The following SLC6A3 variants were observed in gnomAD, a reference collection of about 807,000 sequenced individuals.
The protein encoded by SLC6A3 is sodium-dependent dopamine transporter.
SLC6A3 carries 19 observed loss-of-function variants against 70.4 expected under a neutral mutation model. The observed-to-expected ratio is 0.27, with a 90% CI of 0.19 to 0.40. The LOEUF is 0.40. Ranked by LOEUF, SLC6A3 falls within the 10% of genes least tolerant of loss-of-function variation. The probability of loss-of-function intolerance (pLI) is 1.00; values close to 1 mark genes in which losing one functional copy is unlikely to be tolerated. For missense variants in SLC6A3, 613 were observed against 838.5 expected, an observed-to-expected ratio of 0.73 and a Z score of 3.32; for synonymous variants, 368 against 356.6, an observed-to-expected ratio of 1.03 and a Z score of -0.36.
rs1756430107 is a variant in SLC6A3, at chr5:1,421,277, A to G, written c.793-574T>C. On this transcript the variant is annotated intron_variant, in intron 5 of 14. Coordinates refer to ENST00000270349, the MANE Select transcript of SLC6A3 (RefSeq NM_001044.5). The surrounding 1 kb of genome is among the most constrained non-coding windows in gnomAD (Gnocchi z 7.2). ...ACTGCAACCTCCGCCTCCTGGGTTC[A>G]AGCAATTCTCCTGCCTCAGCCTCCC... Among the ~76,000 whole-genome samples the G allele has an allele frequency of 6.6e-6, 1 of 151,004 alleles. No homozygotes were observed. The highest frequency in any genetic ancestry group is 1.5e-5 in the Non-Finnish European group (1 of 67,874).
rs1415742229 is a variant in SLC6A3 at position 1,400,864 on chromosome 5, G to C, written c.1839+51C>G. ...CTGGGGGCTAAGAACACTGAGCTTG[G>C]GATCATTCTGAATTCCCCCGAGAGA... On this transcript the variant is annotated intron_variant, in intron 14 of 14. Coordinates refer to ENST00000270349, the MANE Select transcript of SLC6A3 (RefSeq NM_001044.5). The C allele has an allele frequency of 2.9e-6, 4 of 1,382,780 alleles. No homozygotes were observed. The South Asian group carries it at 3.7e-5, about 13-fold the overall frequency. 85.7% of individuals were successfully genotyped at this position (1,382,780 alleles called of 1,614,324 possible).
In SLC6A3 at chr5:1,411,208, G is replaced by A; in HGVS notation, c.1269+35C>T. Reference sequence around the variant, plus strand: ...CCCCTCGGGTGGAAGGAACCCAACTGCCGAGGACAGGGCCGGGCGGTGCGG... The same window carrying A: ...CCCCTCGGGTGGAAGGAACCCAACTACCGAGGACAGGGCCGGGCGGTGCGG... On this transcript the variant is annotated intron_variant, in intron 9 of 14. Coordinates refer to ENST00000270349, the MANE Select transcript of SLC6A3 (RefSeq NM_001044.5). The surrounding 1 kb of genome is among the most constrained non-coding windows in gnomAD (Gnocchi z 6.5). The A allele has an allele frequency of 6.9e-7, 1 of 1,445,260 alleles. No individual in the cohort carries two copies. Among genetic ancestry groups the A allele is most frequent in the Non-Finnish European group, 9.5e-7 (1 of 1,051,604 alleles). 89.5% of individuals were successfully genotyped at this position (1,445,260 alleles called of 1,614,324 possible). A position where few individuals can be genotyped will look rare whatever the true frequency, so the allele number is the denominator to read the frequency against.
In SLC6A3 at chr5:1,404,083, T is replaced by TC. The variant is rs1347962356; in HGVS notation, c.1600-995dup. 2.0e-5 allele frequency among the ~76,000 whole-genome samples: 3 copies of TC among 152,228 alleles called. No homozygotes were observed. Among genetic ancestry groups the TC allele is most frequent in the Non-Finnish European group, 4.4e-5 (3 of 68,042 alleles). ...CAATTTTTTCCCAATTGTCCACTTTTCCTCAATTTCAGAAAAGTTAAAACA... is the reference window on the plus strand; with the variant it reads ...CAATTTTTTCCCAATTGTCCACTTTTCCCTCAATTTCAGAAAAGTTAAAACA... On this transcript the variant is annotated intron_variant, in intron 12 of 14. Coordinates refer to ENST00000270349, the MANE Select transcript of SLC6A3 (RefSeq NM_001044.5). The surrounding 1 kb of genome is among the most constrained non-coding windows in gnomAD (Gnocchi z 5.2).
At chr5:1,399,896 G>A (rs1393153079) in intron 14 of SLC6A3, among the ~76,000 whole-genome samples, 3 of 152,070 alleles carry the variant, frequency 2.0e-5, no homozygotes, top group South Asian at 2.1e-4. Flanking sequence ...TCCCAGGCAC[G>A]CAGAGCCCCC....
Position 1,411,204 on chromosome 5 carries a change from A to G in SLC6A3, c.1269+39T>C, listed in dbSNP as rs1188113816. ...GGGCCCCCTCGGGTGGAAGGAACCC[A>G]ACTGCCGAGGACAGGGCCGGGCGGT... On this transcript the variant is annotated intron_variant, in intron 9 of 14. Coordinates refer to ENST00000270349, the MANE Select transcript of SLC6A3 (RefSeq NM_001044.5). This position sits in a 1 kb window ranked among gnomAD's most constrained non-coding sequence, Gnocchi z 6.5. The G allele has an allele frequency of 1.4e-6, 2 of 1,427,764 alleles. No individual in the cohort carries two copies. 88.4% of individuals were successfully genotyped at this position (1,427,764 alleles called of 1,614,324 possible). A position where few individuals can be genotyped will look rare whatever the true frequency, so the allele number is the denominator to read the frequency against.
In SLC6A3 at chr5:1,403,238, C is replaced by G. The variant is rs547877889; in HGVS notation, c.1600-149G>C. The stretch of plus-strand genomic sequence containing the variant: ...CCGGCCAGGCCTGCAGACATGGCAG[C>G]TGGGCATCCCGGGCAAGCCATGTCC... On this transcript the variant is annotated intron_variant, in intron 12 of 14. Coordinates refer to ENST00000270349, the MANE Select transcript of SLC6A3 (RefSeq NM_001044.5). The G allele has an allele frequency of 5.8e-6, 5 of 866,276 alleles. No homozygotes were observed. The East Asian group carries it at 1.3e-4, about 23-fold the overall frequency. The allele number at this position is 866,276 out of a possible 1,614,324, so 53.7% of individuals were successfully genotyped here. A position where few individuals can be genotyped will look rare whatever the true frequency, so the allele number is the denominator to read the frequency against.
chr5:1,421,114 G>A lies in SLC6A3; in HGVS notation c.793-411C>T, dbSNP rs995823862. Among the ~76,000 whole-genome samples the A allele has an allele frequency of 6.6e-5, 10 of 152,062 alleles. No homozygotes were observed. The highest frequency in any genetic ancestry group is 1.3e-4 in the Non-Finnish European group (9 of 68,036). ...TCCCGTGGCTGGTGCCATACTACAC[G>A]CACTTTTCCAAGGGAGGAGTCGTAT... On this transcript the variant is annotated intron_variant, in intron 5 of 14. Coordinates refer to ENST00000270349, the MANE Select transcript of SLC6A3 (RefSeq NM_001044.5). The surrounding 1 kb of genome is among the most constrained non-coding windows in gnomAD (Gnocchi z 7.2).
Position 1,421,786 on chromosome 5 carries a change from G to C in SLC6A3, c.792+90C>G, listed in dbSNP as rs1425989584. On this transcript the variant is annotated intron_variant, in intron 5 of 14. Coordinates refer to ENST00000270349, the MANE Select transcript of SLC6A3 (RefSeq NM_001044.5). This position sits in a 1 kb window ranked among gnomAD's most constrained non-coding sequence, Gnocchi z 7.2. The stretch of plus-strand genomic sequence containing the variant: ...ATTGGTAGCACAAAACCCAACTGAG[G>C]CCACACGTGCACCTCCTGTCCAGCC... The C allele has an allele frequency of 1.4e-6, 2 of 1,428,798 alleles. No homozygotes were observed. The highest frequency in any genetic ancestry group is 1.4e-5 in the African/African-American group (1 of 71,472). The allele number at this position is 1,428,798 out of a possible 1,614,324, so 88.5% of individuals were successfully genotyped here. A position where few individuals can be genotyped will look rare whatever the true frequency, so the allele number is the denominator to read the frequency against.
In SLC6A3 at chr5:1,393,340, C is replaced by T. The variant is rs1346656396; in HGVS notation, c.*1395G>A. ...AGCAGCTTTTGGCCAACATCCTTCA[C>T]TCAGTATTGCTAATTATTCTTGTAA... On this transcript the variant is annotated 3_prime_UTR_variant, in exon 15 of 15. Transcript: ENST00000270349. The T allele has an allele frequency of 9.2e-5, 14 of 152,388 alleles. No homozygotes were observed. Among genetic ancestry groups the T allele is most frequent in the Admixed American group, 9.2e-4 (14 of 15,294 alleles). The allele number at this position is 152,388 out of a possible 1,614,324, so 9.4% of individuals were successfully genotyped here.
At chr5:1,400,161 G>A (rs1332126462) in intron 14 of SLC6A3, among the ~76,000 whole-genome samples, 1 of 152,358 alleles carries the variant, frequency 6.6e-6, no homozygotes, top group Non-Finnish European at 1.5e-5. Flanking sequence ...TCGGGGCTGA[G>A]GCCACTCTGG....
At chr5:1,428,370 T>C (rs927283965) in intron 4 of SLC6A3, among the ~76,000 whole-genome samples, 3 of 152,212 alleles carry the variant, frequency 2.0e-5, no homozygotes, top group African/African-American at 7.2e-5. Context: ...ATTAATAGCT[T>C]TAATTTATAA....
At chr5:1,431,621 G>A (rs1269518132) in intron 4 of SLC6A3, among the ~76,000 whole-genome samples, 1 of 151,780 alleles carries the variant, frequency 6.6e-6, no homozygotes, top group Non-Finnish European at 1.5e-5. Flanking sequence ...GGCCGGGGTG[G>A]ACGGTGTGGG....
At position 1,402,759 on chromosome 5, in the gene SLC6A3, GACAC is replaced by G. The variant is rs1454956882; in HGVS notation, c.1767+159_1767+162del. Among the ~76,000 whole-genome samples, 1 of 152,030 alleles carries G rather than the reference GACAC, an allele frequency of 6.6e-6. No homozygotes were observed. Among genetic ancestry groups the G allele is most frequent in the Admixed American group, 6.5e-5 (1 of 15,274 alleles). ...ACCCATGGGCCCGGGCGTGCAGGTG[GACAC>G]ACACACGCACACACACACACAGTGT... On this transcript the variant is annotated intron_variant, in intron 13 of 14. Transcript: ENST00000270349. This position sits in a 1 kb window ranked among gnomAD's most constrained non-coding sequence, Gnocchi z 8.5.
intron 6 of SLC6A3, among the ~76,000 whole-genome samples, chr5:1,419,723 C>T (rs998467008): frequency 9.9e-5 from 15 of 152,174 alleles, no homozygotes; most frequent in African/African-American, 3.4e-4. Flanking sequence ...GTGGGCCACA[C>T]GCCTGCTGCA....
rs751745477 is a variant in SLC6A3, at chr5:1,393,395, C to G, written c.*1340G>C. 1 of 152,684 alleles carries G rather than the reference C, an allele frequency of 6.5e-6. No individual in the cohort carries two copies. Among genetic ancestry groups the G allele is most frequent in the Non-Finnish European group, 1.5e-5 (1 of 68,214 alleles). The allele number at this position is 152,684 out of a possible 1,614,324, so 9.5% of individuals were successfully genotyped here. ...AAACTGCAATATCAGCAAGCAGGCT[C>G]GCGGATACTGCATTCTTGAATTTGT... On this transcript the variant is annotated 3_prime_UTR_variant, in exon 15 of 15. Coordinates refer to ENST00000270349, the MANE Select transcript of SLC6A3 (RefSeq NM_001044.5).
rs910706111 is a variant in SLC6A3 at position 1,404,046 on chromosome 5, T to C, written c.1600-957A>G. ...GCTCTGATAGATATGGTTTATGATG[T>C]AGCTTAAAATGCAATTTTTTCCCAA... On this transcript the variant is annotated intron_variant, in intron 12 of 14. Transcript: ENST00000270349. The surrounding 1 kb of genome is among the most constrained non-coding windows in gnomAD (Gnocchi z 5.2). 1.3e-5 allele frequency among the ~76,000 whole-genome samples: 2 copies of C among 152,268 alleles called. No individual in the cohort carries two copies. The highest frequency in any genetic ancestry group is 2.9e-5 in the Non-Finnish European group (2 of 68,048).
At position 1,394,329 on chromosome 5, in the gene SLC6A3, G is replaced by T. The variant is rs564054633; in HGVS notation, c.*406C>A. The T allele has an allele frequency of 5.7e-6, 2 of 349,552 alleles. No homozygotes were observed. Among genetic ancestry groups the T allele is most frequent in the African/African-American group, 4.2e-5 (2 of 47,908 alleles). The allele number at this position is 349,552 out of a possible 1,614,324, so 21.7% of individuals were successfully genotyped here. A position where few individuals can be genotyped will look rare whatever the true frequency, so the allele number is the denominator to read the frequency against. On this transcript the variant is annotated 3_prime_UTR_variant, in exon 15 of 15. Transcript: ENST00000270349. The surrounding 1 kb of genome is among the most constrained non-coding windows in gnomAD (Gnocchi z 4.7). ...TGGTCTAGGAAGCTACTGTGAGCAC[G>T]GGGATTCTCAGCAGGTGCGTCTACA...
In SLC6A3 at chr5:1,421,057, G is replaced by C. The variant is rs893411029; in HGVS notation, c.793-354C>G. Among the ~76,000 whole-genome samples the C allele has an allele frequency of 2.0e-5, 3 of 152,080 alleles. No homozygotes were observed. The highest frequency in any genetic ancestry group is 7.3e-5 in the African/African-American group (3 of 41,314). ...GTGAACGGCACTGTGGCACGATGAAGGGCTGCTCTGGGCTGTGTCCCTGCG... is the reference window on the plus strand; with the variant it reads ...GTGAACGGCACTGTGGCACGATGAACGGCTGCTCTGGGCTGTGTCCCTGCG... On this transcript the variant is annotated intron_variant, in intron 5 of 14. Coordinates refer to ENST00000270349, the MANE Select transcript of SLC6A3 (RefSeq NM_001044.5). The surrounding 1 kb of genome is among the most constrained non-coding windows in gnomAD (Gnocchi z 7.2).
rs923673832 is a variant in SLC6A3 at position 1,396,504 on chromosome 5, C to T, written c.1840-1746G>A. Among the ~76,000 whole-genome samples, 37 of 152,264 alleles carry T rather than the reference C, an allele frequency of 2.4e-4. No homozygotes were observed. Among genetic ancestry groups the T allele is most frequent in the African/African-American group, 7.9e-4 (33 of 41,558 alleles). ...GCCTGGTGGACTCCCTGAGCTGAGA[C>T]GCTGGAAAGGAGAGCGAGGGAAACG... On this transcript the variant is annotated intron_variant, in intron 14 of 14. Transcript: ENST00000270349. The surrounding 1 kb of genome is among the most constrained non-coding windows in gnomAD (Gnocchi z 7.0).
Sources: gnomAD v4.1 joint callset for allele counts (sites outside exome capture counted in the v4.1 genomes callset) on GRCh38, gnomAD v4.1.1 for gene constraint, Gnocchi (gnomAD v3.1) non-coding constraint, MANE v1.5 for transcripts, NCBI Gene and HGNC (gene_info 2026-07-23, HGNC 2026-07-21) for gene names.